NFATC2: variants seen among roughly 807,000 people sequenced by gnomAD.
NFATC2 encodes the protein nuclear factor of activated T-cells, cytoplasmic 2.
A neutral mutation model predicts 87.3 loss-of-function variants in NFATC2; 22 were observed. The observed-to-expected ratio is 0.25, with a 90% confidence interval of 0.18 to 0.36. The LOEUF (loss-of-function observed/expected upper bound fraction) is 0.36. NFATC2 is among the 10% of genes least tolerant of loss of function. NFATC2 has a pLI of 1.00. For synonymous variants in NFATC2, 565 were observed against 542.2 expected, an observed-to-expected ratio of 1.04 and a Z score of -0.58; for missense variants, 1,149 against 1,259.1, an observed-to-expected ratio of 0.91 and a Z score of 1.32.
chr20:51,523,467 C>A lies in NFATC2; in HGVS notation c.774G>T (p.Glu258Asp). 6.2e-7 allele frequency: 1 copy of A among 1,610,656 alleles called. No homozygotes were observed. The highest frequency in any genetic ancestry group is 8.5e-7 in the Non-Finnish European group (1 of 1,178,346). The change falls in exon 2 of 11, where the codon GAG (glutamate) becomes GAT (aspartate). Residue 258 changes from glutamate (E) to aspartate (D), a missense_variant. Physicochemically the swap from Glu to Asp is conservative, Grantham distance 45 (BLOSUM62 2). Around this residue, in one of 3 missense-constraint regions of NFATC2, gnomAD observed 563 missense variants for 585.2 expected, o/e 0.96. Transcript: ENST00000371564. This position sits in a 1 kb window ranked among gnomAD's most constrained non-coding sequence, Gnocchi z 6.9. Reference sequence around the variant, plus strand: ...CTCCGGGCGGCAGGGCAACCAAGGCCTCGGCGCACGAATGCCTCCGCTTGG... The same window carrying A: ...CTCCGGGCGGCAGGGCAACCAAGGCATCGGCGCACGAATGCCTCCGCTTGG... Reference protein sequence around the residue: ...PGAKRRHSCAEALVALPPGAS... With the variant: ...PGAKRRHSCADALVALPPGAS...
chr20:51,413,104 CACA>C (rs1025836083), intron 9 of NFATC2, among the ~76,000 whole-genome samples: 5 of 151,070 alleles, frequency 3.3e-5, no homozygotes, highest in Non-Finnish European at 5.9e-5. Flanking sequence ...GGTTTGCTGT[CACA>C]ACAACTGCAG....
At chr20:51,425,867 C>A (rs1981741656) in intron 9 of NFATC2, among the ~76,000 whole-genome samples, 1 of 152,204 alleles carries the variant, frequency 6.6e-6, no homozygotes, top group Non-Finnish European at 1.5e-5. Flanking sequence ...AGAGGCACAA[C>A]TGGCAAAACC....
chr20:51,522,304 A>G (rs2076459401), intron 2 of NFATC2, among the ~76,000 whole-genome samples: 1 of 151,398 alleles, frequency 6.6e-6, no homozygotes. Flanking sequence ...GGGGAGGGGG[A>G]AGCTCTTGAT....
rs1484136793 is a variant in NFATC2 at position 51,390,150 on chromosome 20, C to A, written c.*1346G>T. Reference sequence around the variant, plus strand: ...GAAGGAAATCACATATAACATGCAACCGAATAGAGCTCATTCAAAGTAAAG... The same window carrying A: ...GAAGGAAATCACATATAACATGCAAACGAATAGAGCTCATTCAAAGTAAAG... On this transcript the variant is annotated 3_prime_UTR_variant, in exon 11 of 11. Transcript: ENST00000371564. 6.6e-6 allele frequency: 1 copy of A among 152,054 alleles called. No individual in the cohort carries two copies. Among genetic ancestry groups the A allele is most frequent in the Non-Finnish European group, 1.5e-5 (1 of 68,034 alleles). The allele number at this position is 152,054 out of a possible 1,614,324, so 9.4% of individuals were successfully genotyped here.
chr20:51,446,311 A>G (rs1985049684), intron 6 of NFATC2, among the ~76,000 whole-genome samples: 1 of 152,198 alleles, frequency 6.6e-6, no homozygotes, highest in Non-Finnish European at 1.5e-5. Flanking sequence ...GAGTGCAGGT[A>G]GAAGGGCAGC....
intron 1 of NFATC2, among the ~76,000 whole-genome samples, chr20:51,537,819 G>A (rs1308876890): frequency 6.6e-6 from 1 of 152,142 alleles, no homozygotes; most frequent in African/African-American, 2.4e-5. Flanking sequence ...CTGTGTACTT[G>A]GTTGTCTCCT....
At chr20:51,435,026 C>T (rs1010103649) in intron 8 of NFATC2, among the ~76,000 whole-genome samples, 162 bp downstream of exon 8, 2 of 152,174 alleles carry the variant, frequency 1.3e-5, no homozygotes, top group African/African-American at 4.8e-5. Context: ...ATTTCCGGAA[C>T]CCTTATAAGG....
intron 3 of NFATC2, among the ~76,000 whole-genome samples, chr20:51,504,656 G>A (rs1015242041): frequency 9.2e-5 from 14 of 152,214 alleles, no homozygotes; most frequent in South Asian, 4.1e-4. Flanking sequence ...AGTTAAGAGC[G>A]TGGGCTTTTG....
intron 9 of NFATC2, among the ~76,000 whole-genome samples, chr20:51,413,218 C>A (rs755204148): frequency 1.3e-5 from 2 of 151,866 alleles, no homozygotes; most frequent in Non-Finnish European, 2.9e-5. Flanking sequence ...CCCGGCCTGG[C>A]CTGTGGAGTC....
intron 10 of NFATC2, among the ~76,000 whole-genome samples, chr20:51,394,370 G>GGTCTCTGT (rs1318238960): frequency 3.3e-5 from 5 of 151,448 alleles, no homozygotes; most frequent in Non-Finnish European, 5.9e-5. Context: ...CATTTCTCCT[G>GGTCTCTGT]GTCTCTGTCT....
rs78581230 is a variant in NFATC2 at position 51,492,351 on chromosome 20, C to T, written c.1333-16691G>A. On this transcript the variant is annotated intron_variant, in intron 3 of 10. Transcript: ENST00000371564. ...TCTAGAAAAGACACAGAGGAGACTG[C>T]GCAATCAACAGGCAGGAGTGTGCGT... Among the ~76,000 whole-genome samples, 20 of 152,186 alleles carry T rather than the reference C, an allele frequency of 1.3e-4. No individual in the cohort carries two copies. The East Asian group carries it at 3.9e-3, about 30-fold the overall frequency.
At chr20:51,433,734 C>T (rs921288605) in intron 8 of NFATC2, among the ~76,000 whole-genome samples, 1 of 149,890 alleles carries the variant, frequency 6.7e-6, no homozygotes, top group Non-Finnish European at 1.5e-5. Context: ...TGTGTGTGTG[C>T]GCATGCGTGT....
intron 3 of NFATC2, among the ~76,000 whole-genome samples, chr20:51,477,457 GGATA>G (rs1011858070): frequency 4.2e-5 from 6 of 143,778 alleles, no homozygotes; most frequent in African/African-American, 1.5e-4. Context: ...GTTATAGGAA[GGATA>G]GATTCCTAGA....
chr20:51,478,688 T>C (rs1185954968), intron 3 of NFATC2, among the ~76,000 whole-genome samples: 2 of 152,212 alleles, frequency 1.3e-5, no homozygotes, highest in Non-Finnish European at 2.9e-5. Context: ...CTCCCCTGCC[T>C]ACAACCCTTC....
At chr20:51,451,567 C>T (rs1200809526) in intron 6 of NFATC2, among the ~76,000 whole-genome samples, 1 of 152,212 alleles carries the variant, frequency 6.6e-6, no homozygotes, top group Non-Finnish European at 1.5e-5. Flanking sequence ...TGGTATAGAC[C>T]AGGGGTCTTC....
chr20:51,522,986 A>G (rs2076473304), intron 2 of NFATC2, 95 bp downstream of exon 2: 1 of 1,497,164 alleles, frequency 6.7e-7, no homozygotes, highest in Admixed American at 2.0e-5. Context: ...ATTTAAAGTC[A>G]GTCTTAAACC....
At chr20:51,491,842 G>C (rs993617432) in intron 3 of NFATC2, among the ~76,000 whole-genome samples, 1 of 149,234 alleles carries the variant, frequency 6.7e-6, no homozygotes, top group Admixed American at 6.7e-5. Context: ...TGCTCGTTGA[G>C]AACAGCCCCA....
chr20:51,412,995 C>T (rs1408004691), intron 9 of NFATC2, among the ~76,000 whole-genome samples: 11 of 29,342 alleles, frequency 3.7e-4, no homozygotes, highest in South Asian at 1.6e-3. Flanking sequence ...CCGCTCCCGC[C>T]GCCCCCCCCC....
intron 5 of NFATC2, among the ~76,000 whole-genome samples, chr20:51,456,645 G>A (rs993079715): frequency 4.5e-4 from 68 of 152,326 alleles, no homozygotes; most frequent in African/African-American, 1.6e-3. Flanking sequence ...CCCCTGGGGT[G>A]AGTCAGTCTG....
Sources: gnomAD v4.1 joint callset for allele counts (sites outside exome capture counted in the v4.1 genomes callset) on GRCh38, gnomAD v4.1.1 for gene constraint, gnomAD v4.1.1 regional missense constraint, Gnocchi (gnomAD v3.1) non-coding constraint, MANE v1.5 for transcripts, NCBI Gene and HGNC (gene_info 2026-07-23, HGNC 2026-07-21) for gene names.